Variants in SPINK9 observed in about 807,000 individuals in gnomAD.
SPINK9 encodes serine protease inhibitor Kazal-type 9.
SPINK9 carries 3 observed loss-of-function variants against 10.8 expected under a neutral mutation model. The observed-to-expected ratio is 0.28, with a 90% CI of 0.13 to 0.72. SPINK9 has a LOEUF of 0.72. Ranked by LOEUF, SPINK9 falls within the 30% of genes least tolerant of loss-of-function variation. SPINK9 has a pLI of 0.74. For missense variants in SPINK9, 101 were observed against 103.2 expected (o/e 0.98, Z 0.09); for synonymous variants, 30 against 31.2 (o/e 0.96, Z 0.12).
intron 2 of SPINK9, among the ~76,000 whole-genome samples, chr5:148,328,742 C>T (rs967731950): frequency 2.6e-5 from 4 of 152,150 alleles, no homozygotes; most frequent in Admixed American, 2.0e-4. Context: ...AAGGCCTTTT[C>T]TGCATCTATT....
intron 2 of SPINK9, 38 bp downstream of exon 2, chr5:148,336,491 T>A: frequency 1.9e-6 from 3 of 1,590,700 alleles, no homozygotes; most frequent in Non-Finnish European, 2.6e-6. Flanking sequence ...AATTTTAAAG[T>A]CAATATCAGT....
intron 2 of SPINK9, among the ~76,000 whole-genome samples, chr5:148,338,048 T>C (rs1465107969): frequency 6.6e-6 from 1 of 152,132 alleles, no homozygotes; most frequent in Non-Finnish European, 1.5e-5. Flanking sequence ...GTCATTAAAA[T>C]GATAGTAGTT....
chr5:148,337,581 GT>G (rs1157820611), intron 2 of SPINK9, among the ~76,000 whole-genome samples: 2 of 152,094 alleles, frequency 1.3e-5, no homozygotes, highest in East Asian at 3.9e-4. Context: ...TACAGCTGGA[GT>G]TTGTGTAGAC....
chr5:148,329,650 A>G (rs1298851379), intron 2 of SPINK9, among the ~76,000 whole-genome samples: 1 of 152,056 alleles, frequency 6.6e-6, no homozygotes, highest in Non-Finnish European at 1.5e-5. Flanking sequence ...TTAGTGCTAT[A>G]AATTTCCCTC....
chr5:148,332,174 G>A (rs1162059605), upstream of SPINK9, among the ~76,000 whole-genome samples: 2 of 152,196 alleles, frequency 1.3e-5, no homozygotes, highest in African/African-American at 4.8e-5. Flanking sequence ...TGTAAAGTGG[G>A]TACTAGTAAC....
chr5:148,331,662 A>T (rs1757153377), upstream of SPINK9, among the ~76,000 whole-genome samples: 1 of 152,224 alleles, frequency 6.6e-6, no homozygotes, highest in Admixed American at 6.5e-5. Flanking sequence ...ATTTGAAGTG[A>T]TTGATATGTT....
At position 148,338,611 on chromosome 5, in the gene SPINK9, T is replaced by G. The variant is rs1757249207; in HGVS notation, c.215+6T>G. The G allele has an allele frequency of 6.4e-7, 1 of 1,556,094 alleles. No homozygotes were observed. Among genetic ancestry groups the G allele is most frequent in the African/African-American group, 1.4e-5 (1 of 72,742 alleles). ...TTCTTCTGTTCTAAAGTTAAGTAAG[T>G]ATTAAAATGTTTTCTTTTTCATATT... is the stretch of plus-strand genomic sequence containing the variant. On this transcript the variant is annotated splice_donor_region_variant and intron_variant, in intron 3 of 3. Transcript: ENST00000377906.
intron 1 of SPINK9, among the ~76,000 whole-genome samples, chr5:148,336,055 A>G (rs1289270446): frequency 1.3e-5 from 2 of 152,042 alleles, no homozygotes; most frequent in African/African-American, 4.8e-5. Flanking sequence ...ATTTTCAACC[A>G]CTGTTCCAAC....
intron 1 of SPINK9, among the ~76,000 whole-genome samples, chr5:148,321,858 G>C (rs1214330842): frequency 6.6e-6 from 1 of 152,074 alleles, no homozygotes; most frequent in East Asian, 1.9e-4. Flanking sequence ...TAAAAATAAA[G>C]ATATTTTATA....
At chr5:148,334,286 T>C (rs993553904), upstream of SPINK9, among the ~76,000 whole-genome samples, 1 of 152,106 alleles carries the variant, frequency 6.6e-6, no homozygotes, top group Non-Finnish European at 1.5e-5. Context: ...TAGGATTCTT[T>C]ACTAAAACTA....
rs1381764988 is a variant in SPINK9, at chr5:148,335,571, ACT to A, written c.-42_-41del. ...AAGTGAGCTGGACGGACACCAGGTC[ACT>A]TCTTTTCCCTACATCTGACTGCCTT... On this transcript the variant is annotated 5_prime_UTR_variant, in exon 1 of 4. Coordinates refer to ENST00000377906, the MANE Select transcript of SPINK9 (RefSeq NM_001040433.2). 1 of 1,586,368 alleles carries A rather than the reference ACT, an allele frequency of 6.3e-7. No homozygotes were observed. Among genetic ancestry groups the A allele is most frequent in the East Asian group, 2.2e-5 (1 of 44,666 alleles).
intron 2 of SPINK9, among the ~76,000 whole-genome samples, chr5:148,329,018 A>C (rs1040486522): frequency 6.6e-6 from 1 of 152,144 alleles, no homozygotes; most frequent in Non-Finnish European, 1.5e-5. Flanking sequence ...CTGGCCTCAT[A>C]AAAATTAGTT....
chr5:148,323,057 C>T (rs1277078448), intron 1 of SPINK9, among the ~76,000 whole-genome samples: 1 of 151,832 alleles, frequency 6.6e-6, no homozygotes, highest in Non-Finnish European at 1.5e-5. Flanking sequence ...ATAGAAGATA[C>T]AATTATGGAA....
At chr5:148,332,530 A>C (rs1300190084), upstream of SPINK9, among the ~76,000 whole-genome samples, 6 of 152,226 alleles carry the variant, frequency 3.9e-5, no homozygotes, top group Non-Finnish European at 8.8e-5. Context: ...GACATCTGGA[A>C]GATTATAATT....
chr5:148,325,376 C>T (rs1757045768), intron 2 of SPINK9, among the ~76,000 whole-genome samples: 1 of 152,096 alleles, frequency 6.6e-6, no homozygotes, highest in Admixed American at 6.6e-5. Context: ...TTTACATTTT[C>T]ATTTACATTT....
chr5:148,336,521 CACAGT>C, intron 2 of SPINK9, 68 bp downstream of exon 2: 1 of 1,428,528 alleles, frequency 7.0e-7, no homozygotes, highest in Admixed American at 1.8e-5. Flanking sequence ...TTTGATACTA[CACAGT>C]AATTAAATTT....
intron 3 of SPINK9, 94 bp from the exon 4 acceptor site, chr5:148,339,573 G>A: frequency 9.3e-7 from 1 of 1,077,180 alleles, no homozygotes; most frequent in Non-Finnish European, 1.4e-6. Context: ...GGGGAAACTT[G>A]AATACATTTT....
intron 2 of SPINK9, among the ~76,000 whole-genome samples, chr5:148,324,760 T>G (rs1203654913): frequency 6.6e-6 from 1 of 151,896 alleles, no homozygotes; most frequent in Admixed American, 6.6e-5. Flanking sequence ...AGCATAAAAT[T>G]CATGGCTTTT....
intron 2 of SPINK9, among the ~76,000 whole-genome samples, chr5:148,330,304 T>C (rs1757131102): frequency 6.6e-6 from 1 of 152,218 alleles, no homozygotes; most frequent in Admixed American, 6.5e-5. Flanking sequence ...TAAAGTCTGT[T>C]TTATCCGAGA....
Sources: gnomAD v4.1 joint callset for allele counts (sites outside exome capture counted in the v4.1 genomes callset) on GRCh38, gnomAD v4.1.1 for gene constraint, MANE v1.5 for transcripts, NCBI Gene and HGNC (gene_info 2026-07-23, HGNC 2026-07-21) for gene names.